Variants in COL25A1 observed in about 807,000 individuals in gnomAD.
COL25A1 encodes the protein collagen type XXV alpha 1 chain.
COL25A1 carries 103 observed loss-of-function variants against 128.4 expected under a neutral mutation model. The ratio of observed to expected loss-of-function variants is 0.80; its 90% CI spans 0.68 to 0.94. The LOEUF is 0.94. Ranked by LOEUF, COL25A1 falls within the 40% of genes least tolerant of loss-of-function variation. The pLI, the probability that COL25A1 is intolerant of heterozygous loss-of-function variation, is 0.00. For missense variants in COL25A1, 745 were observed against 840.0 expected (o/e 0.89, Z 1.40); for synonymous variants, 279 against 277.2 (o/e 1.01, Z -0.06).
intron 3 of COL25A1, among the ~76,000 whole-genome samples, chr4:109,241,226 T>C (rs1467534380): frequency 1.3e-5 from 2 of 152,044 alleles, no homozygotes; most frequent in Non-Finnish European, 2.9e-5. Flanking sequence ...CTCTAAGGTG[T>C]CTTTTAATTC....
chr4:108,991,737 G>A (rs116207832), intron 6 of COL25A1, among the ~76,000 whole-genome samples: 103 of 151,992 alleles, frequency 6.8e-4, no homozygotes, highest in African/African-American at 2.5e-3. Context: ...TCCACTCCCC[G>A]CCCCCAAGTC....
At chr4:109,174,220 A>G (rs1195416341) in intron 3 of COL25A1, among the ~76,000 whole-genome samples, 1 of 152,200 alleles carries the variant, frequency 6.6e-6, no homozygotes, top group African/African-American at 2.4e-5. Context: ...CTGTGAATAC[A>G]AGTAGCAACC....
Position 108,990,510 on chromosome 4 carries a change from G to C in COL25A1, c.439-15951C>G, listed in dbSNP as rs540331302. The stretch of plus-strand genomic sequence containing the variant: ...TTATGCTATAACCATATCTAACAGT[G>C]ATAGTTGCTCCATTATTTCTTAACT... On this transcript the variant is annotated intron_variant, in intron 6 of 37. Coordinates refer to ENST00000399132, the MANE Select transcript of COL25A1 (RefSeq NM_198721.4). 1.3e-4 allele frequency among the ~76,000 whole-genome samples: 19 copies of C among 151,858 alleles called. No homozygotes were observed. In the East Asian group the frequency reaches 3.7e-3, roughly 29 times the overall value.
intron 3 of COL25A1, among the ~76,000 whole-genome samples, chr4:109,132,365 G>A (rs1344239730): frequency 1.3e-5 from 2 of 152,056 alleles, no homozygotes; most frequent in Non-Finnish European, 2.9e-5. Context: ...ACGCTTTCTA[G>A]AACTTACTTT....
intron 19 of COL25A1, among the ~76,000 whole-genome samples, chr4:108,879,650 T>C (rs898595939): frequency 2.6e-5 from 4 of 152,256 alleles, no homozygotes; most frequent in Non-Finnish European, 4.4e-5. Flanking sequence ...TTTCACCATG[T>C]TGGCCAGGCT....
chr4:109,276,934 A>G (rs1705535575), intron 3 of COL25A1, among the ~76,000 whole-genome samples: 1 of 152,048 alleles, frequency 6.6e-6, no homozygotes, highest in Non-Finnish European at 1.5e-5. Flanking sequence ...ACTACCACCA[A>G]CCACTTCTAG....
intron 3 of COL25A1, among the ~76,000 whole-genome samples, chr4:109,170,180 T>C (rs935059450): frequency 6.6e-6 from 1 of 152,160 alleles, no homozygotes; most frequent in Non-Finnish European, 1.5e-5. Context: ...CAGTATTCTA[T>C]GTTTATTTTT....
At chr4:108,880,547 A>T (rs1025090927) in intron 19 of COL25A1, among the ~76,000 whole-genome samples, 10 of 152,238 alleles carry the variant, frequency 6.6e-5, no homozygotes, top group African/African-American at 2.4e-4. Context: ...AGATAACAAT[A>T]ATCAAAACCG....
At chr4:109,276,597 G>C (rs1722875078) in intron 3 of COL25A1, among the ~76,000 whole-genome samples, 1 of 152,024 alleles carries the variant, frequency 6.6e-6, no homozygotes, top group Non-Finnish European at 1.5e-5. Context: ...CTCCAACAGG[G>C]TAGAAGAGGT....
At chr4:109,031,716 C>T (rs1758884254) in intron 5 of COL25A1, among the ~76,000 whole-genome samples, 1 of 152,156 alleles carries the variant, frequency 6.6e-6, no homozygotes, top group African/African-American at 2.4e-5. Flanking sequence ...AAACCCTTAG[C>T]TCCAGCCTGT....
chr4:109,003,996 A>G (rs1248459121), intron 6 of COL25A1, among the ~76,000 whole-genome samples: 1 of 151,342 alleles, frequency 6.6e-6, no homozygotes, highest in Non-Finnish European at 1.5e-5. Flanking sequence ...TCACAGCAAC[A>G]TCCTCTCTCT....
At chr4:108,886,364 C>T (rs931550823) in intron 18 of COL25A1, among the ~76,000 whole-genome samples, 9 of 152,016 alleles carry the variant, frequency 5.9e-5, no homozygotes, top group Non-Finnish European at 1.0e-4. Context: ...CCACAGCCCA[C>T]GGGCCACATG....
At chr4:108,998,449 T>C (rs1267918097) in intron 6 of COL25A1, among the ~76,000 whole-genome samples, 2 of 152,104 alleles carry the variant, frequency 1.3e-5, no homozygotes, top group South Asian at 2.1e-4. Flanking sequence ...CAAACCACTG[T>C]TCAATGAAAT....
intron 18 of COL25A1, among the ~76,000 whole-genome samples, chr4:108,886,852 A>G (rs1740894720): frequency 6.6e-6 from 1 of 152,102 alleles, no homozygotes; most frequent in African/African-American, 2.4e-5. Flanking sequence ...GAACCTCAAA[A>G]TCAGGACTCT....
chr4:109,148,221 C>T (rs1053042697), intron 3 of COL25A1, among the ~76,000 whole-genome samples: 5 of 152,074 alleles, frequency 3.3e-5, no homozygotes, highest in African/African-American at 1.2e-4. Flanking sequence ...AGAACTTTGG[C>T]AAATCTTAGT....
At chr4:108,935,371 T>G (rs2125920125) in intron 11 of COL25A1, among the ~76,000 whole-genome samples, 1 of 152,326 alleles carries the variant, frequency 6.6e-6, no homozygotes, top group East Asian at 1.9e-4. Flanking sequence ...TGATCTGGTT[T>G]GTACATAGTT....
intron 6 of COL25A1, among the ~76,000 whole-genome samples, chr4:108,979,059 T>C (rs1019359515): frequency 6.6e-6 from 1 of 152,216 alleles, no homozygotes; most frequent in African/African-American, 2.4e-5. Context: ...AGAAGATTTA[T>C]TTTAGGGCAT....
chr4:108,896,138 C>T lies in COL25A1; in HGVS notation c.906+529G>A, dbSNP rs567416018. Among the ~76,000 whole-genome samples, 43 of 151,448 alleles carry T rather than the reference C, an allele frequency of 2.8e-4. No individual in the cohort carries two copies. In the East Asian group the frequency reaches 2.9e-3, roughly 10 times the overall value. On this transcript the variant is annotated intron_variant, in intron 16 of 37. Transcript: ENST00000399132. ...TTTTTTTGTATTTTTTTAGTAGGGA[C>T]GGGGTTTCACTGTGTTAGCCAGGAT...
At chr4:109,298,199 A>G (rs1282233493) in intron 3 of COL25A1, among the ~76,000 whole-genome samples, 2 of 152,108 alleles carry the variant, frequency 1.3e-5, no homozygotes, top group African/African-American at 4.8e-5. Flanking sequence ...TGCCATTAGA[A>G]GCCATTTTTA....
Sources: gnomAD v4.1 joint callset for allele counts (sites outside exome capture counted in the v4.1 genomes callset) on GRCh38, gnomAD v4.1.1 for gene constraint, MANE v1.5 for transcripts, NCBI Gene and HGNC (gene_info 2026-07-23, HGNC 2026-07-21) for gene names.